FGD2: variants seen among roughly 807,000 people sequenced by gnomAD.
The protein encoded by FGD2 is FYVE, RhoGEF and PH domain containing 2.
A neutral mutation model predicts 75.9 loss-of-function variants in FGD2; 52 were observed. The observed-to-expected ratio is 0.69, with a 90% CI of 0.55 to 0.86. FGD2 has a LOEUF of 0.86. FGD2 is among the 40% of genes least tolerant of loss of function. FGD2 has a pLI of 0.00. For missense variants in FGD2, 790 were observed against 872.0 expected, an observed-to-expected ratio of 0.91 and a Z score of 1.18; for synonymous variants, 347 against 348.6, an observed-to-expected ratio of 1.00 and a Z score of 0.05.
At chr6:37,017,622 G>C (rs1675282218) in intron 9 of FGD2, among the ~76,000 whole-genome samples, 3 of 152,220 alleles carry the variant, frequency 2.0e-5, no homozygotes, top group Non-Finnish European at 4.4e-5. Context: ...CTGAGTCCTG[G>C]TGTGTCCTGA....
intron 2 of FGD2, 172 bp downstream of exon 2, chr6:37,009,237 C>A: frequency 1.6e-6 from 1 of 627,252 alleles, no homozygotes; most frequent in Non-Finnish European, 2.7e-6. Flanking sequence ...CTTTGATTCA[C>A]TAACTGCCTG....
At chr6:37,015,154 C>A (rs548902755) in intron 8 of FGD2, 116 bp downstream of exon 8, 2 of 1,365,216 alleles carry the variant, frequency 1.5e-6, no homozygotes, top group East Asian at 2.5e-5. Flanking sequence ...GGGAAGAGAA[C>A]GCTTCTCTGT....
Position 37,011,677 on chromosome 6 carries a change from C to T in FGD2, c.379-29C>T, listed in dbSNP as rs1422370795. ...ATGTGTGGGTGGCTCCCTGTCACTG[C>T]AGTGAGTGACCTGTCGTGGCGGCTA... On this transcript the variant is annotated intron_variant, in intron 3 of 15. Coordinates refer to ENST00000274963, the MANE Select transcript of FGD2 (RefSeq NM_173558.4). 3.7e-6 allele frequency: 6 copies of T among 1,613,496 alleles called. No individual in the cohort carries two copies. The African/African-American group carries it at 6.7e-5, about 18-fold the overall frequency.
chr6:37,023,055 T>G (rs1413355147), intron 13 of FGD2: 1 of 155,496 alleles, frequency 6.4e-6, no homozygotes, highest in Non-Finnish European at 1.5e-5. Context: ...CCAGTTCTAG[T>G]GGAGGGGCAT....
At chr6:37,009,279 C>A (rs764203453) in intron 2 of FGD2, 2 of 521,702 alleles carry the variant, frequency 3.8e-6, no homozygotes, top group Non-Finnish European at 6.7e-6. Context: ...TTCGCGAGTC[C>A]CTCGTGTAGG....
chr6:37,013,633 C>G lies in FGD2; in HGVS notation c.552C>G (p.Asp184Glu). The G allele has an allele frequency of 6.2e-7, 1 of 1,613,966 alleles. No individual in the cohort carries two copies. The highest frequency in any genetic ancestry group is 8.5e-7 in the Non-Finnish European group (1 of 1,179,940). The change falls in exon 5 of 16, where the codon GAC (aspartate) becomes GAG (glutamate). Residue 184 changes from aspartate (D) to glutamate (E), a missense_variant. Physicochemically the swap from Asp to Glu is conservative, Grantham distance 45. Transcript: ENST00000274963. ...GGACAGCTAACCCCCGCATCGGTGACGTGATCCAGAAGCTGGCCCCCTTCC... is the reference window on the plus strand; with the variant it reads ...GGACAGCTAACCCCCGCATCGGTGAGGTGATCCAGAAGCTGGCCCCCTTCC... Reference protein sequence around the residue: ...DDWTANPRIGDVIQKLAPFLK... With the variant: ...DDWTANPRIGEVIQKLAPFLK...
chr6:37,009,153 C>A (rs759760557), intron 2 of FGD2, 88 bp downstream of exon 2: 2 of 1,282,622 alleles, frequency 1.6e-6, no homozygotes, highest in East Asian at 2.5e-5. Context: ...CTAGCCAGAG[C>A]CAGCAGTTCC....
In FGD2 at chr6:37,020,567, TC is replaced by T. The variant is rs760951784; in HGVS notation, c.1153del (p.His385ThrfsTer22). On this transcript the variant is annotated frameshift_variant, in exon 10 of 16. Transcript: ENST00000274963. LOFTEE classifies it high-confidence loss of function. ...TGCGGGAGCTGATGGATGCTGAGTT[TC>T]CCCACTCCTTCCTGGTGTCCGGGAA... ...KVRELMDAEF[P>X]HSFLVSGKQR... The T allele has an allele frequency of 6.2e-7, 1 of 1,608,670 alleles. No individual in the cohort carries two copies. The highest frequency in any genetic ancestry group is 1.1e-5 in the South Asian group (1 of 89,694).
intron 3 of FGD2, 117 bp downstream of exon 3, chr6:37,011,167 C>G (rs1340490400): frequency 9.9e-7 from 1 of 1,007,788 alleles, no homozygotes; most frequent in African/African-American, 1.6e-5. Context: ...GCTTTGACTC[C>G]AGGAAGCCTT....
intron 13 of FGD2, chr6:37,024,947 G>C (rs962795259): frequency 2.6e-5 from 4 of 152,484 alleles, no homozygotes; most frequent in African/African-American, 9.6e-5. Context: ...CTCCCTGAAG[G>C]CTGGTGCCGC....
intron 15 of FGD2, 25 bp downstream of exon 15, chr6:37,027,600 C>A: frequency 6.2e-7 from 1 of 1,612,968 alleles, no homozygotes; most frequent in Non-Finnish European, 8.5e-7. Context: ...TGCCCGCCCC[C>A]CGTCAGGCCC....
At chr6:37,027,059 C>T (rs1229970827) in intron 14 of FGD2, among the ~76,000 whole-genome samples, 3 of 152,100 alleles carry the variant, frequency 2.0e-5, no homozygotes, top group African/African-American at 7.2e-5. Flanking sequence ...CGTTTCCAAT[C>T]CTCCCCATCC....
chr6:37,026,188 C>A, intron 14 of FGD2: 1 of 985,466 alleles, frequency 1.0e-6, no homozygotes, highest in Non-Finnish European at 1.2e-6. Flanking sequence ...TTCTGCACTT[C>A]CTCTATGTCC....
chr6:37,016,262 C>T (rs1765287481), intron 9 of FGD2, among the ~76,000 whole-genome samples: 1 of 152,186 alleles, frequency 6.6e-6, no homozygotes, highest in Non-Finnish European at 1.5e-5. Context: ...TTAAGATGGG[C>T]TGACAACTGA....
At chr6:37,021,386 A>G (rs1182299316) in intron 11 of FGD2, 126 bp from the exon 12 acceptor site, 5 of 767,068 alleles carry the variant, frequency 6.5e-6, no homozygotes, top group African/African-American at 1.8e-5. Context: ...GCGTGTGTGT[A>G]GAATCCAGCG....
rs534381611 is a variant in FGD2 at position 37,011,271 on chromosome 6, T to C, written c.378+221T>C. 167 of 597,200 alleles carry C rather than the reference T, an allele frequency of 2.8e-4. 1 individual carries two copies. The South Asian group carries it at 3.1e-3, about 11-fold the overall frequency. 37.0% of individuals were successfully genotyped at this position (597,200 alleles called of 1,614,324 possible). ...TGCCTGTGGTGCCCAGGCTGGCCCCTGTATAGCAGAGAACACACCAGCTGG... is the reference window on the plus strand; with the variant it reads ...TGCCTGTGGTGCCCAGGCTGGCCCCCGTATAGCAGAGAACACACCAGCTGG... On this transcript the variant is annotated intron_variant, in intron 3 of 15. Transcript: ENST00000274963.
At chr6:37,026,933 G>A (rs147597819) in intron 14 of FGD2, among the ~76,000 whole-genome samples, 60 of 152,004 alleles carry the variant, frequency 3.9e-4, no homozygotes, top group African/African-American at 1.4e-3. Flanking sequence ...TCTTGAACCC[G>A]GGAGGTGGAG....
At chr6:37,014,769 C>A in intron 7 of FGD2, 65 bp downstream of exon 7, 1 of 1,610,512 alleles carries the variant, frequency 6.2e-7, no homozygotes, top group Non-Finnish European at 8.5e-7. Context: ...TGGTCCCACC[C>A]ATGACACCTA....
intron 4 of FGD2, 27 bp downstream of exon 4, chr6:37,011,881 C>T: frequency 6.2e-7 from 1 of 1,610,368 alleles, no homozygotes; most frequent in Non-Finnish European, 8.5e-7. Flanking sequence ...GCCCCTGAGG[C>T]CTCAGACCAC....
Sources: allele counts gnomAD v4.1 joint callset (sites outside exome capture counted in the v4.1 genomes callset), GRCh38; gene constraint gnomAD v4.1.1; transcripts MANE v1.5; gene names NCBI Gene and HGNC (gene_info 2026-07-23, HGNC 2026-07-21).